Variants in AUTS2 observed in about 807,000 individuals in gnomAD.
The protein encoded by AUTS2 is autism susceptibility gene 2 protein.
A neutral mutation model predicts 112.4 loss-of-function variants in AUTS2; 17 were observed. The observed-to-expected ratio is 0.15, with a 90% CI of 0.10 to 0.23. The LOEUF is 0.23. Ranked by LOEUF, AUTS2 falls within the 10% of genes least tolerant of loss-of-function variation. The pLI, the probability that AUTS2 is intolerant of heterozygous loss-of-function variation, is 1.00. For synonymous variants in AUTS2, 751 were observed against 702.7 expected (o/e 1.07, Z -1.09); for missense variants, 1,510 against 1,701.6 (o/e 0.89, Z 1.98).
chr7:70,425,878 T>G (rs900894551), intron 4 of AUTS2, among the ~76,000 whole-genome samples: 1 of 152,230 alleles, frequency 6.6e-6, no homozygotes, highest in Non-Finnish European at 1.5e-5. Flanking sequence ...TAACATCTAT[T>G]GATTGCTTCC....
At chr7:69,943,370 A>C (rs1796697723) in intron 2 of AUTS2, among the ~76,000 whole-genome samples, 2 of 152,238 alleles carry the variant, frequency 1.3e-5, no homozygotes, top group Admixed American at 1.3e-4. Flanking sequence ...ATGGGCTTCA[A>C]AATTTAGCTT....
chr7:70,664,282 A>G (rs1049365014), intron 5 of AUTS2, among the ~76,000 whole-genome samples: 3 of 152,232 alleles, frequency 2.0e-5, no homozygotes, highest in Non-Finnish European at 4.4e-5. Flanking sequence ...GTGGTCAGCC[A>G]TGTAATAAGT....
intron 2 of AUTS2, among the ~76,000 whole-genome samples, chr7:69,964,743 T>C (rs1584501046): frequency 6.6e-6 from 1 of 152,050 alleles, no homozygotes; most frequent in East Asian, 1.9e-4. Flanking sequence ...ACATCTCTAC[T>C]CTTTCACAAT....
chr7:70,375,021 G>A (rs973840330), intron 4 of AUTS2, among the ~76,000 whole-genome samples: 7 of 152,112 alleles, frequency 4.6e-5, no homozygotes, highest in Non-Finnish European at 1.0e-4. Flanking sequence ...GGAGTGCCCC[G>A]ATGCTCCCTG....
chr7:70,720,714 T>C (rs768464127), intron 6 of AUTS2, among the ~76,000 whole-genome samples: 9 of 152,162 alleles, frequency 5.9e-5, no homozygotes, highest in Non-Finnish European at 8.8e-5. Context: ...TACAGGACTT[T>C]AGTAGCTGAG....
chr7:69,717,017 C>G (rs1798646565), intron 1 of AUTS2, among the ~76,000 whole-genome samples: 1 of 152,156 alleles, frequency 6.6e-6, no homozygotes, highest in Admixed American at 6.6e-5. Context: ...CTCATTTAAA[C>G]CCTGTCCTTT....
chr7:70,779,506 T>A (rs1790925663), intron 14 of AUTS2, among the ~76,000 whole-genome samples: 1 of 152,166 alleles, frequency 6.6e-6, no homozygotes, highest in South Asian at 2.1e-4. Context: ...GGTGCACGGG[T>A]AGCTTTTGCT....
chr7:70,121,168 C>T (rs2096071609), intron 3 of AUTS2, among the ~76,000 whole-genome samples: 1 of 152,102 alleles, frequency 6.6e-6, no homozygotes, highest in African/African-American at 2.4e-5. Flanking sequence ...AAATTGGACT[C>T]CTACATCGCA....
At chr7:70,504,527 T>C (rs1199638282) in intron 5 of AUTS2, among the ~76,000 whole-genome samples, 2 of 152,004 alleles carry the variant, frequency 1.3e-5, no homozygotes, top group Non-Finnish European at 2.9e-5. Context: ...TGAATAGCAG[T>C]GTAGATGTGT....
At chr7:70,466,544 A>G (rs1797172881) in intron 5 of AUTS2, among the ~76,000 whole-genome samples, 2 of 152,232 alleles carry the variant, frequency 1.3e-5, no homozygotes, top group African/African-American at 4.8e-5. Flanking sequence ...GTAAGGTGAA[A>G]TACAACCTTT....
intron 5 of AUTS2, among the ~76,000 whole-genome samples, chr7:70,525,913 G>A (rs1423005792): frequency 2.6e-5 from 4 of 152,204 alleles, no homozygotes; most frequent in African/African-American, 7.2e-5. Context: ...GGCCCTGGCC[G>A]CTGCTCACAG....
intron 1 of AUTS2, among the ~76,000 whole-genome samples, chr7:69,740,809 A>T (rs1485660200): frequency 1.3e-5 from 2 of 152,228 alleles, no homozygotes; most frequent in African/African-American, 4.8e-5. Flanking sequence ...GGCATGAGCC[A>T]CTGCGCCCGG....
At chr7:70,317,441 C>G (rs1481736896) in intron 4 of AUTS2, among the ~76,000 whole-genome samples, 1 of 152,078 alleles carries the variant, frequency 6.6e-6, no homozygotes, top group Non-Finnish European at 1.5e-5. Context: ...ATGTTGGCTC[C>G]CATTTTAAAC....
chr7:70,541,461 T>C (rs1016801078), intron 5 of AUTS2, among the ~76,000 whole-genome samples: 3 of 152,250 alleles, frequency 2.0e-5, no homozygotes, highest in African/African-American at 7.2e-5. Flanking sequence ...TTACTGAACC[T>C]ATGTGCAAAC....
At chr7:69,729,235 A>G (rs1342452292) in intron 1 of AUTS2, among the ~76,000 whole-genome samples, 1 of 152,092 alleles carries the variant, frequency 6.6e-6, no homozygotes, top group East Asian at 1.9e-4. Context: ...AAGGCAGAGG[A>G]AGAAGGTAGG....
At chr7:69,932,340 C>G (rs1796257066) in intron 2 of AUTS2, among the ~76,000 whole-genome samples, 1 of 152,062 alleles carries the variant, frequency 6.6e-6, no homozygotes, top group Non-Finnish European at 1.5e-5. Flanking sequence ...TCAGATTTAG[C>G]AATGCATTGT....
intron 1 of AUTS2, among the ~76,000 whole-genome samples, chr7:69,752,039 C>T (rs1787760159): frequency 6.6e-6 from 1 of 152,124 alleles, no homozygotes; most frequent in Non-Finnish European, 1.5e-5. Flanking sequence ...TCTCTCTGTC[C>T]CTTAATGTGG....
At chr7:70,273,327 A>C (rs989764406) in intron 4 of AUTS2, among the ~76,000 whole-genome samples, 1 of 152,292 alleles carries the variant, frequency 6.6e-6, no homozygotes, top group East Asian at 1.9e-4. Context: ...TCTGATTTAT[A>C]ATACAACATA....
At chr7:70,242,672 C>T (rs940063500) in intron 4 of AUTS2, among the ~76,000 whole-genome samples, 2 of 152,070 alleles carry the variant, frequency 1.3e-5, no homozygotes, top group African/African-American at 4.8e-5. Context: ...CTTATTCAAC[C>T]TGGTTTCTCA....
Sources: gnomAD v4.1 joint callset for allele counts (sites outside exome capture counted in the v4.1 genomes callset) on GRCh38, gnomAD v4.1.1 for gene constraint, MANE v1.5 for transcripts, NCBI Gene and HGNC (gene_info 2026-07-23, HGNC 2026-07-21) for gene names.